The following KITLG variants were observed in gnomAD, a reference collection of about 807,000 sequenced individuals.
KITLG encodes c-Kit ligand.
A neutral mutation model predicts 34.1 loss-of-function variants in KITLG; 13 were observed. The observed-to-expected ratio is 0.38, with a 90% CI of 0.25 to 0.61. KITLG has a LOEUF of 0.61. Ranked by LOEUF, KITLG falls within the 20% of genes least tolerant of loss-of-function variation. The pLI is 0.60. For missense variants in KITLG, 292 were observed against 318.9 expected, an observed-to-expected ratio of 0.92 and a Z score of 0.64; for synonymous variants, 110 against 104.0, an observed-to-expected ratio of 1.06 and a Z score of -0.35.
At chr12:88,524,263 A>G (rs1039573508) in intron 3 of KITLG, among the ~76,000 whole-genome samples, 1 of 152,192 alleles carries the variant, frequency 6.6e-6, no homozygotes, top group Admixed American at 6.5e-5. Flanking sequence ...CTTAATTATA[A>G]TTTCTTTAAA....
chr12:88,527,699 A>C (rs1869929679), intron 3 of KITLG, among the ~76,000 whole-genome samples: 1 of 152,250 alleles, frequency 6.6e-6, no homozygotes, highest in African/African-American at 2.4e-5. Context: ...ACAGTTGAAC[A>C]TCTTAACCAG....
intron 1 of KITLG, among the ~76,000 whole-genome samples, chr12:88,561,145 T>C (rs1871286677): frequency 6.6e-6 from 1 of 152,152 alleles, no homozygotes; most frequent in Non-Finnish European, 1.5e-5. Flanking sequence ...TATTTTATCA[T>C]TCTGGGCCTC....
intron 2 of KITLG, among the ~76,000 whole-genome samples, chr12:88,537,296 A>G (rs549210244): frequency 6.6e-6 from 1 of 151,234 alleles, no homozygotes; most frequent in Non-Finnish European, 1.5e-5. Flanking sequence ...TGCAGCCACA[A>G]AAAAAAACAA....
At chr12:88,550,993 T>A (rs768306339) in intron 1 of KITLG, among the ~76,000 whole-genome samples, 2 of 152,178 alleles carry the variant, frequency 1.3e-5, no homozygotes, top group Non-Finnish European at 2.9e-5. Context: ...AATTCAAATA[T>A]CTTACAAAGA....
intron 1 of KITLG, among the ~76,000 whole-genome samples, chr12:88,549,430 T>A (rs1349687727): frequency 6.6e-6 from 1 of 152,186 alleles, no homozygotes; most frequent in Non-Finnish European, 1.5e-5. Flanking sequence ...AGGGTTATAG[T>A]AATACATTGA....
chr12:88,518,278 G>A (rs1314895858), intron 4 of KITLG, among the ~76,000 whole-genome samples: 1 of 152,102 alleles, frequency 6.6e-6, no homozygotes, highest in East Asian at 1.9e-4. Flanking sequence ...CAATGACTTT[G>A]AGGAGCCAAA....
intron 9 of KITLG, among the ~76,000 whole-genome samples, chr12:88,504,431 C>T (rs1320588965): frequency 6.6e-6 from 1 of 152,118 alleles, no homozygotes; most frequent in African/African-American, 2.4e-5. Context: ...AATCAAACAA[C>T]CCCATCAAAA....
In KITLG at chr12:88,497,044, T is replaced by G; in HGVS notation, c.*175A>C. ...TCAGTGCCAGTTTCACAGTAAAACA[T>G]TCTGTTCCAATTTCTGAATCATCCA... On this transcript the variant is annotated 3_prime_UTR_variant, in exon 10 of 10. Coordinates refer to ENST00000644744, the MANE Select transcript of KITLG (RefSeq NM_000899.5). 1 of 355,112 alleles carries G rather than the reference T, an allele frequency of 2.8e-6. No individual in the cohort carries two copies. Among genetic ancestry groups the G allele is most frequent in the Non-Finnish European group, 5.7e-6 (1 of 176,852 alleles). 22.0% of individuals were successfully genotyped at this position (355,112 alleles called of 1,614,324 possible).
At chr12:88,526,170 T>C (rs1382630216) in intron 3 of KITLG, among the ~76,000 whole-genome samples, 1 of 152,220 alleles carries the variant, frequency 6.6e-6, no homozygotes, top group Non-Finnish European at 1.5e-5. Context: ...AATCTGGCTC[T>C]CAGCCTTTAG....
At chr12:88,514,873 T>G (rs891858704) in intron 6 of KITLG, among the ~76,000 whole-genome samples, 1 of 151,696 alleles carries the variant, frequency 6.6e-6, no homozygotes, top group Non-Finnish European at 1.5e-5. Flanking sequence ...TTTTTATTCT[T>G]CCTGCACCTT....
chr12:88,506,938 G>A (rs1032174044), intron 7 of KITLG, 90 bp downstream of exon 7: 1 of 822,476 alleles, frequency 1.2e-6, no homozygotes, highest in Non-Finnish European at 2.1e-6. Flanking sequence ...AGAATTCACT[G>A]TTTTCTTAAA....
In KITLG at chr12:88,493,339, C is replaced by T. The variant is rs1198527958; in HGVS notation, c.*3880G>A. Reference sequence around the variant, plus strand: ...ATGCTTAGTAAACATTTCAGGATCACAAATATCCATTTTAGCATGGATTAT... The same window carrying T: ...ATGCTTAGTAAACATTTCAGGATCATAAATATCCATTTTAGCATGGATTAT... On this transcript the variant is annotated 3_prime_UTR_variant, in exon 10 of 10. Transcript: ENST00000644744. The T allele has an allele frequency of 6.6e-6, 1 of 152,056 alleles. No homozygotes were observed. The highest frequency in any genetic ancestry group is 2.4e-5 in the African/African-American group (1 of 41,326). The allele number at this position is 152,056 out of a possible 1,614,324, so 9.4% of individuals were successfully genotyped here. A position where few individuals can be genotyped will look rare whatever the true frequency, so the allele number is the denominator to read the frequency against.
chr12:88,506,475 A>C (rs1869065739), intron 7 of KITLG, 97 bp from the exon 8 acceptor site: 3 of 847,968 alleles, frequency 3.5e-6, no homozygotes, highest in Non-Finnish European at 6.1e-6. Flanking sequence ...TATGGCAATA[A>C]CTCCAATAAC....
chr12:88,516,232 C>T, intron 5 of KITLG, 102 bp downstream of exon 5: 1 of 932,978 alleles, frequency 1.1e-6, no homozygotes, highest in Admixed American at 1.7e-5. Context: ...GACGTACATG[C>T]ATGTATCTTG....
rs540071446 is a variant in KITLG, at chr12:88,508,197, AAAG to A, written c.605-1063_605-1061del. Among the ~76,000 whole-genome samples, 22 of 152,218 alleles carry A rather than the reference AAAG, an allele frequency of 1.4e-4. No individual in the cohort carries two copies. The South Asian group carries it at 4.6e-3, about 32-fold the overall frequency. ...GCAAGACTCTGTCTTTAAAAAAAAA[AAAG>A]GAGCAGAATGATTCACGAATTAAAT... On this transcript the variant is annotated intron_variant, in intron 6 of 9. Coordinates refer to ENST00000644744, the MANE Select transcript of KITLG (RefSeq NM_000899.5).
At chr12:88,504,975 TG>T (rs1868999812) in intron 9 of KITLG, among the ~76,000 whole-genome samples, 183 bp downstream of exon 9, 1 of 56,622 alleles carries the variant, frequency 1.8e-5, no homozygotes, top group Non-Finnish European at 3.3e-5. Context: ...TGTCATGGGG[TG>T]GGGGGAGGGG....
chr12:88,559,813 C>T (rs559960571), intron 1 of KITLG, among the ~76,000 whole-genome samples: 1 of 152,324 alleles, frequency 6.6e-6, no homozygotes, highest in East Asian at 1.9e-4. Context: ...TTACAGTTGG[C>T]ATGCCTGGGA....
At chr12:88,529,167 T>A (rs1007925900) in intron 3 of KITLG, among the ~76,000 whole-genome samples, 2 of 152,192 alleles carry the variant, frequency 1.3e-5, no homozygotes, top group African/African-American at 4.8e-5. Flanking sequence ...AAAATTTTTT[T>A]AAAAATGAAG....
chr12:88,561,401 C>T (rs1006652878), intron 1 of KITLG, among the ~76,000 whole-genome samples: 6 of 152,274 alleles, frequency 3.9e-5, no homozygotes, highest in Non-Finnish European at 7.3e-5. Flanking sequence ...TCCCAGTCCC[C>T]TATTTCCACA....
Sources: gnomAD v4.1 joint callset for allele counts (sites outside exome capture counted in the v4.1 genomes callset) on GRCh38, gnomAD v4.1.1 for gene constraint, MANE v1.5 for transcripts, NCBI Gene and HGNC (gene_info 2026-07-23, HGNC 2026-07-21) for gene names.